Variants in ANKRD44 observed in about 807,000 individuals in gnomAD.
ANKRD44 encodes ankyrin repeat domain 44.
In ANKRD44, 35 loss-of-function variants were observed where a neutral mutation model predicts 116.0. The observed-to-expected ratio is 0.30, with a 90% CI of 0.23 to 0.40. The LOEUF (loss-of-function observed/expected upper bound fraction) is 0.40, where lower values mean the gene tolerates loss of function less well. Among genes scored for constraint, ANKRD44 ranks in the 10% least tolerant of loss-of-function variants. ANKRD44 has a pLI of 1.00. For missense variants in ANKRD44, 1,014 were observed against 1,242.6 expected, an observed-to-expected ratio of 0.82 and a Z score of 2.77; for synonymous variants, 435 against 461.8, an observed-to-expected ratio of 0.94 and a Z score of 0.74.
At chr2:197,083,301 C>G in intron 14 of ANKRD44, 68 bp downstream of exon 14, 2 of 1,517,174 alleles carry the variant, frequency 1.3e-6, no homozygotes, top group Non-Finnish European at 1.8e-6. Context: ...ATGAAGAAAA[C>G]TTAGCAATCC....
chr2:197,123,961 C>T (rs1237240525), intron 6 of ANKRD44, among the ~76,000 whole-genome samples: 2 of 152,130 alleles, frequency 1.3e-5, no homozygotes, highest in African/African-American at 4.8e-5. Flanking sequence ...GATTTGATTT[C>T]TTTAGAGTCA....
intron 1 of ANKRD44, among the ~76,000 whole-genome samples, chr2:197,309,613 T>C (rs1009017865): frequency 1.3e-5 from 2 of 152,170 alleles, no homozygotes; most frequent in African/African-American, 4.8e-5. Context: ...AAAGTCAAGA[T>C]TGCCTCTCTG....
At chr2:197,100,383 C>T (rs2078263713) in intron 9 of ANKRD44, among the ~76,000 whole-genome samples, 2 of 151,918 alleles carry the variant, frequency 1.3e-5, no homozygotes, top group African/African-American at 4.8e-5. Context: ...TGCAGTGAGC[C>T]AAGATCGCAC....
chr2:197,219,845 A>T (rs1258553190), intron 1 of ANKRD44, among the ~76,000 whole-genome samples: 3 of 152,228 alleles, frequency 2.0e-5, no homozygotes, highest in Non-Finnish European at 4.4e-5. Flanking sequence ...GAAAATTAGA[A>T]TTGTGCCAAG....
intron 1 of ANKRD44, among the ~76,000 whole-genome samples, chr2:197,292,827 T>C (rs560196871): frequency 5.0e-4 from 76 of 152,324 alleles, no homozygotes; most frequent in Middle Eastern, 3.4e-3. Context: ...GAGTGCACAT[T>C]AACAGTGACT....
chr2:197,048,227 A>T (rs1394970530), intron 16 of ANKRD44, among the ~76,000 whole-genome samples: 1 of 152,128 alleles, frequency 6.6e-6, no homozygotes, highest in Non-Finnish European at 1.5e-5. Flanking sequence ...TCTAGGGTAC[A>T]TGTGCACCAC....
At chr2:197,178,884 A>G (rs1006223574) in intron 2 of ANKRD44, among the ~76,000 whole-genome samples, 1 of 152,208 alleles carries the variant, frequency 6.6e-6, no homozygotes, top group African/African-American at 2.4e-5. Flanking sequence ...CATTTATTAA[A>G]TAATCCATTC....
intron 2 of ANKRD44, among the ~76,000 whole-genome samples, chr2:197,174,684 C>T (rs904373218): frequency 6.6e-6 from 1 of 152,176 alleles, no homozygotes; most frequent in Non-Finnish European, 1.5e-5. Flanking sequence ...TTCATGCGTT[C>T]CTAGCCAGTG....
chr2:197,025,976 G>A (rs1283964034), intron 16 of ANKRD44, among the ~76,000 whole-genome samples: 2 of 142,990 alleles, frequency 1.4e-5, no homozygotes, highest in Non-Finnish European at 3.0e-5. Flanking sequence ...ACCCTTGGTG[G>A]AAGAACAAAT....
chr2:197,300,335 C>T, intron 1 of ANKRD44, among the ~76,000 whole-genome samples: 1 of 152,200 alleles, frequency 6.6e-6, no homozygotes, highest in South Asian at 2.1e-4. Context: ...AGGGACACAA[C>T]ACGTCACTCA....
At chr2:197,250,339 G>A (rs940903647) in intron 1 of ANKRD44, among the ~76,000 whole-genome samples, 1 of 152,172 alleles carries the variant, frequency 6.6e-6, no homozygotes, top group Admixed American at 6.5e-5. Flanking sequence ...TCTTATAAGG[G>A]AGGAATATCT....
At position 197,183,539 on chromosome 2, in the gene ANKRD44, C is replaced by A. The variant is rs149814547; in HGVS notation, c.111+3484G>T. Among the ~76,000 whole-genome samples, 421 of 152,236 alleles carry A rather than the reference C, an allele frequency of 2.8e-3. 1 individual carries two copies. The highest frequency in any genetic ancestry group is 9.3e-3 in the African/African-American group (386 of 41,530). On this transcript the variant is annotated intron_variant, in intron 2 of 27. Transcript: ENST00000282272. ...CACTTCTCTTAAACTACCTAATCCA[C>A]CCCCAGCAAAAATAGTCACTATGAC...
intron 2 of ANKRD44, among the ~76,000 whole-genome samples, chr2:197,163,948 G>T (rs2125509510): frequency 6.6e-6 from 1 of 152,322 alleles, no homozygotes; most frequent in Non-Finnish European, 1.5e-5. Flanking sequence ...CTTAAAAGGT[G>T]AGGGTTTAAG....
intron 16 of ANKRD44, among the ~76,000 whole-genome samples, chr2:197,026,312 G>A (rs2124845109): frequency 6.6e-6 from 1 of 152,328 alleles, no homozygotes; most frequent in South Asian, 2.1e-4. Flanking sequence ...TTATTAGAAA[G>A]TGCAAGGTGC....
At chr2:197,128,562 A>T (rs2079029622) in intron 4 of ANKRD44, among the ~76,000 whole-genome samples, 1 of 152,194 alleles carries the variant, frequency 6.6e-6, no homozygotes, top group Admixed American at 6.5e-5. Context: ...GATAGACTGT[A>T]AAAATATTCT....
intron 21 of ANKRD44, among the ~76,000 whole-genome samples, chr2:196,974,619 G>A (rs573295122): frequency 5.6e-4 from 85 of 152,126 alleles, no homozygotes; most frequent in African/African-American, 1.9e-3. Context: ...GACAGGTGCC[G>A]TGGCTCATGC....
intron 13 of ANKRD44, among the ~76,000 whole-genome samples, chr2:197,084,372 T>A (rs1207152292): frequency 6.6e-6 from 1 of 152,212 alleles, no homozygotes; most frequent in Non-Finnish European, 1.5e-5. Context: ...TAGTTCTCTT[T>A]AGTTTGTCTA....
intron 17 of ANKRD44, among the ~76,000 whole-genome samples, chr2:197,019,322 GCTTGTTA>G (rs2076451497): frequency 1.3e-5 from 2 of 152,294 alleles, no homozygotes; most frequent in Admixed American, 1.3e-4. Context: ...TCTGATCTGT[GCTTGTTA>G]TGCAAACCAT....
At chr2:197,262,904 A>AAAAAAC (rs1041351552) in intron 1 of ANKRD44, among the ~76,000 whole-genome samples, 20 of 152,278 alleles carry the variant, frequency 1.3e-4, no homozygotes, top group Non-Finnish European at 2.6e-4. Context: ...GATTCTTTTA[A>AAAAAAC]AAAAACAAAA....
Sources: allele counts gnomAD v4.1 joint callset (sites outside exome capture counted in the v4.1 genomes callset), GRCh38; gene constraint gnomAD v4.1.1; transcripts MANE v1.5; gene names NCBI Gene and HGNC (gene_info 2026-07-23, HGNC 2026-07-21).